Variants in HNRNPC observed in about 807,000 individuals in gnomAD.
The protein encoded by HNRNPC is heterogeneous nuclear ribonucleoproteins C1/C2.
Under a neutral mutation model 33.2 loss-of-function variants are expected in HNRNPC, and 3 were observed. The ratio of observed to expected loss-of-function variants is 0.09; its 90% confidence interval spans 0.04 to 0.23. HNRNPC has a LOEUF of 0.23. Ranked by LOEUF, HNRNPC falls within the 10% of genes least tolerant of loss-of-function variation. HNRNPC has a pLI of 1.00. For synonymous variants in HNRNPC, 121 were observed against 126.7 expected, an observed-to-expected ratio of 0.96 and a Z score of 0.30; for missense variants, 143 against 366.7, an observed-to-expected ratio of 0.39 and a Z score of 4.98.
intron 1 of HNRNPC, among the ~76,000 whole-genome samples, chr14:21,268,386 A>C (rs764914372): frequency 2.0e-5 from 3 of 152,174 alleles, no homozygotes; most frequent in Non-Finnish European, 2.9e-5. Flanking sequence ...TATTTTTCTT[A>C]AGCGCAATTT....
intron 5 of HNRNPC, among the ~76,000 whole-genome samples, chr14:21,215,409 C>G (rs894757616): frequency 6.6e-6 from 1 of 152,186 alleles, no homozygotes; most frequent in Admixed American, 6.5e-5. Flanking sequence ...GAAAGCTATA[C>G]AATAGATGAG....
intron 2 of HNRNPC, among the ~76,000 whole-genome samples, chr14:21,234,999 C>T (rs757863422): frequency 2.0e-5 from 3 of 152,052 alleles, no homozygotes. Flanking sequence ...CAGTGGAACA[C>T]GGCATGAATC....
chr14:21,219,875 T>TA (rs1892632913), intron 5 of HNRNPC, among the ~76,000 whole-genome samples: 1 of 152,246 alleles, frequency 6.6e-6, no homozygotes, highest in South Asian at 2.1e-4. Flanking sequence ...TCCCAATCAC[T>TA]GTCACTGTAA....
At chr14:21,234,610 T>C (rs1032978153) in intron 2 of HNRNPC, among the ~76,000 whole-genome samples, 1 of 152,180 alleles carries the variant, frequency 6.6e-6, no homozygotes, top group African/African-American at 2.4e-5. Flanking sequence ...GTTTTTCACA[T>C]TACAGGTCAT....
chr14:21,238,470 T>G (rs1043621628), intron 2 of HNRNPC, among the ~76,000 whole-genome samples: 1 of 152,234 alleles, frequency 6.6e-6, no homozygotes, highest in Non-Finnish European at 1.5e-5. Context: ...TCACAGTTTC[T>G]CTGTATTTCC....
intron 2 of HNRNPC, among the ~76,000 whole-genome samples, chr14:21,243,017 T>C (rs544665581): frequency 6.6e-6 from 1 of 152,058 alleles, no homozygotes; most frequent in South Asian, 2.1e-4. Context: ...CCCAGCTACT[T>C]GGGAGGCTGA....
At chr14:21,240,502 ATTTTT>A (rs1279501118) in intron 2 of HNRNPC, among the ~76,000 whole-genome samples, 1 of 152,292 alleles carries the variant, frequency 6.6e-6, no homozygotes, top group Non-Finnish European at 1.5e-5. Context: ...TTATCTGAAG[ATTTTT>A]TACATAAATA....
chr14:21,224,638 C>CT (rs1211397295), intron 5 of HNRNPC, among the ~76,000 whole-genome samples: 1 of 152,164 alleles, frequency 6.6e-6, no homozygotes, highest in African/African-American at 2.4e-5. Context: ...TTTAACACAT[C>CT]TTTTTTCCTC....
At chr14:21,211,594 AG>A in intron 7 of HNRNPC, 28 bp from the exon 8 acceptor site, 1 of 1,589,092 alleles carries the variant, frequency 6.3e-7, no homozygotes, top group Non-Finnish European at 8.6e-7. Context: ...AAGTCTGTCT[AG>A]GGGCAGTAAT....
intron 3 of HNRNPC, chr14:21,231,487 A>AC: frequency 2.3e-6 from 1 of 432,348 alleles, no homozygotes; most frequent in South Asian, 1.6e-5. Context: ...AGCAGGGACC[A>AC]CCACGCCTGG....
intron 2 of HNRNPC, among the ~76,000 whole-genome samples, chr14:21,258,066 C>T (rs1262793217): frequency 6.6e-6 from 1 of 152,096 alleles, no homozygotes; most frequent in Non-Finnish European, 1.5e-5. Flanking sequence ...CAAAGTTGTT[C>T]TTTGGAACTT....
At chr14:21,231,490 A>C (rs967655954) in intron 3 of HNRNPC, 1 of 428,288 alleles carries the variant, frequency 2.3e-6, no homozygotes, top group African/African-American at 2.0e-5. Flanking sequence ...AGGGACCACC[A>C]CGCCTGGTTA....
At chr14:21,214,311 T>C (rs1891925539) in intron 5 of HNRNPC, among the ~76,000 whole-genome samples, 1 of 152,218 alleles carries the variant, frequency 6.6e-6, no homozygotes, top group Non-Finnish European at 1.5e-5. Context: ...TGGCAAGTTA[T>C]TCTGAGTTGT....
At chr14:21,267,501 G>GGAAC (rs1178753271) in intron 1 of HNRNPC, among the ~76,000 whole-genome samples, 1 of 152,106 alleles carries the variant, frequency 6.6e-6, no homozygotes, top group Non-Finnish European at 1.5e-5. Flanking sequence ...CTCTACAGAA[G>GGAAC]GAACATCAAC....
At chr14:21,222,247 T>A (rs559741658) in intron 5 of HNRNPC, among the ~76,000 whole-genome samples, 1 of 152,244 alleles carries the variant, frequency 6.6e-6, no homozygotes, top group Admixed American at 6.5e-5. Flanking sequence ...GTACAGCCAC[T>A]TTTAGCTGTT....
At chr14:21,219,963 T>C (rs1892640345) in intron 5 of HNRNPC, among the ~76,000 whole-genome samples, 2 of 152,114 alleles carry the variant, frequency 1.3e-5, no homozygotes. Context: ...CATAAGCAAA[T>C]TTCTCAGCAA....
At chr14:21,230,768 C>A in intron 4 of HNRNPC, 3 of 524,512 alleles carry the variant, frequency 5.7e-6, no homozygotes, top group South Asian at 3.5e-5. Flanking sequence ...ATAGCAAAAA[C>A]CTCAGGGATT....
Position 21,211,317 on chromosome 14 carries a change from C to T in HNRNPC, c.799-11G>A. 2 of 1,613,714 alleles carry T rather than the reference C, an allele frequency of 1.2e-6. No individual in the cohort carries two copies. Among genetic ancestry groups the T allele is most frequent in the Admixed American group, 1.7e-5 (1 of 60,010 alleles). On this transcript the variant is annotated splice_polypyrimidine_tract_variant and intron_variant, in intron 8 of 8. Coordinates refer to ENST00000553300, the MANE Select transcript of HNRNPC (RefSeq NM_004500.4). Reference sequence around the variant, plus strand: ...CTTGATCAACTCCAGCTGTGAGAAACAGACACAAACAGGATGGAGTTAGAG... The same window carrying T: ...CTTGATCAACTCCAGCTGTGAGAAATAGACACAAACAGGATGGAGTTAGAG...
At position 21,240,815 on chromosome 14, in the gene HNRNPC, C is replaced by T. The variant is rs541059180; in HGVS notation, c.-36-6586G>A. 3.9e-5 allele frequency among the ~76,000 whole-genome samples: 6 copies of T among 152,286 alleles called. No homozygotes were observed. In the East Asian group the frequency reaches 1.2e-3, roughly 29 times the overall value. On this transcript the variant is annotated intron_variant, in intron 2 of 8. Coordinates refer to ENST00000553300, the MANE Select transcript of HNRNPC (RefSeq NM_004500.4). The stretch of plus-strand genomic sequence containing the variant: ...CTCCACATGGGTTAATCACATTATA[C>T]TTAAAACACATTATCCAATGGTCCA...
Sources: allele counts gnomAD v4.1 joint callset (sites outside exome capture counted in the v4.1 genomes callset), GRCh38; gene constraint gnomAD v4.1.1; transcripts MANE v1.5; gene names NCBI Gene and HGNC (gene_info 2026-07-23, HGNC 2026-07-21).